The following HADHB variants were observed in gnomAD, a reference collection of about 807,000 sequenced individuals.
HADHB encodes the protein trifunctional enzyme subunit beta, mitochondrial.
HADHB carries 50 observed loss-of-function variants against 61.9 expected under a neutral mutation model. The ratio of observed to expected loss-of-function variants is 0.81; its 90% CI spans 0.64 to 1.02. The LOEUF (loss-of-function observed/expected upper bound fraction) is 1.02. HADHB is among the 50% of genes least tolerant of loss of function. The pLI is 0.00. For synonymous variants in HADHB, 191 were observed against 201.6 expected (o/e 0.95, Z 0.45); for missense variants, 504 against 586.5 (o/e 0.86, Z 1.45).
intron 15 of HADHB, among the ~76,000 whole-genome samples, chr2:26,287,232 G>C (rs534285139): frequency 6.6e-6 from 1 of 152,244 alleles, no homozygotes; most frequent in South Asian, 2.1e-4. Context: ...TAAATCTTAC[G>C]TTTAAAAGCC....
intron 15 of HADHB, among the ~76,000 whole-genome samples, chr2:26,289,306 T>A (rs1673171769): frequency 6.6e-6 from 1 of 152,076 alleles, no homozygotes; most frequent in South Asian, 2.1e-4. Context: ...CCCTTTGTGG[T>A]CCCTCAGATC....
intron 3 of HADHB, among the ~76,000 whole-genome samples, chr2:26,259,072 G>A (rs1671756802): frequency 6.6e-6 from 1 of 152,092 alleles, no homozygotes; most frequent in South Asian, 2.1e-4. Flanking sequence ...TGAAACCCTA[G>A]CTTGAAAATC....
intron 15 of HADHB, among the ~76,000 whole-genome samples, chr2:26,286,199 T>A (rs539479116): frequency 2.0e-5 from 3 of 152,206 alleles, no homozygotes; most frequent in Non-Finnish European, 4.4e-5. Flanking sequence ...AATCTCCCCA[T>A]CAGACATTAA....
intron 6 of HADHB, among the ~76,000 whole-genome samples, chr2:26,275,393 A>C (rs1259566886): frequency 6.6e-6 from 1 of 152,198 alleles, no homozygotes; most frequent in African/African-American, 2.4e-5. Flanking sequence ...TCCAGCTTAA[A>C]GACATCTTCC....
chr2:26,290,189 G>A lies in HADHB; in HGVS notation c.*236G>A, dbSNP rs1465589770. ...ACCAGAATCTCACATGAGATGTGTGGGTGGTTGTTTTTGGTCTCTGTTGTC... is the reference window on the plus strand; with the variant it reads ...ACCAGAATCTCACATGAGATGTGTGAGTGGTTGTTTTTGGTCTCTGTTGTC... On this transcript the variant is annotated 3_prime_UTR_variant, in exon 16 of 16. Coordinates refer to ENST00000317799, the MANE Select transcript of HADHB (RefSeq NM_000183.3). The A allele has an allele frequency of 1.2e-5, 7 of 562,300 alleles. No homozygotes were observed. The African/African-American group carries it at 1.3e-4, about 11-fold the overall frequency. The allele number at this position is 562,300 out of a possible 1,614,324, so 34.8% of individuals were successfully genotyped here.
chr2:26,257,836 A>G lies in HADHB; in HGVS notation c.109+3362A>G, dbSNP rs112836650. On this transcript the variant is annotated intron_variant, in intron 3 of 15. Transcript: ENST00000317799. ...AGATGGAGACCATCCTGGCAAACAC[A>G]GTGAAACCCTGTCTCTACTAAAAAT... Among the ~76,000 whole-genome samples, 955 of 151,884 alleles carry G rather than the reference A, an allele frequency of 6.3e-3. 8 individuals carry two copies. The highest frequency in any genetic ancestry group is 0.022 in the African/African-American group (893 of 41,438).
At chr2:26,288,330 C>T (rs1184654173) in intron 15 of HADHB, among the ~76,000 whole-genome samples, 1 of 151,874 alleles carries the variant, frequency 6.6e-6, no homozygotes, top group Non-Finnish European at 1.5e-5. Flanking sequence ...AGTAGTCTAC[C>T]TTATTATGAA....
At chr2:26,256,982 C>T (rs1034525163) in intron 3 of HADHB, among the ~76,000 whole-genome samples, 3 of 152,074 alleles carry the variant, frequency 2.0e-5, no homozygotes, top group African/African-American at 4.8e-5. Context: ...TCAGTCCTCT[C>T]GTAAATGTGC....
chr2:26,282,632 C>G (rs138522955), intron 10 of HADHB, among the ~76,000 whole-genome samples: 1 of 152,194 alleles, frequency 6.6e-6, no homozygotes, highest in African/African-American at 2.4e-5. Flanking sequence ...TACTTTTGAA[C>G]AGCCTTCTCT....
At chr2:26,258,628 GAGCAAA>G (rs1286425189) in intron 3 of HADHB, among the ~76,000 whole-genome samples, 1 of 152,196 alleles carries the variant, frequency 6.6e-6, no homozygotes, top group African/African-American at 2.4e-5. Context: ...GGTGGAAGGT[GAGCAAA>G]AGCTCAGCTC....
intron 15 of HADHB, 70 bp from the exon 16 acceptor site, chr2:26,289,848 C>A: frequency 1.9e-6 from 2 of 1,028,702 alleles, no homozygotes; most frequent in Non-Finnish European, 3.1e-6. Flanking sequence ...TCTCCTTGTT[C>A]TCTGCTGTCC....
At chr2:26,280,776 C>A (rs188810503) in intron 10 of HADHB, among the ~76,000 whole-genome samples, 41 of 146,964 alleles carry the variant, frequency 2.8e-4, no homozygotes, top group African/African-American at 1.0e-3. Context: ...TTGCTTGAAC[C>A]CTGGAGGCGT....
chr2:26,252,154 A>G (rs1309673651), intron 1 of HADHB, among the ~76,000 whole-genome samples: 1 of 152,218 alleles, frequency 6.6e-6, no homozygotes, highest in East Asian at 1.9e-4. Context: ...GTGAGCTGAG[A>G]GAGAGACCAC....
At chr2:26,278,932 G>GA (rs1019061238) in intron 8 of HADHB, 131 bp downstream of exon 8, 136 of 975,966 alleles carry the variant, frequency 1.4e-4, no homozygotes, top group Middle Eastern at 2.2e-4. Flanking sequence ...GCTCAAGATG[G>GA]AAAAAAAAGA....
chr2:26,270,634 CTCTG>C (rs1451471786), intron 5 of HADHB, among the ~76,000 whole-genome samples: 3 of 151,868 alleles, frequency 2.0e-5, no homozygotes, highest in Non-Finnish European at 4.4e-5. Context: ...TATTAGTTTC[CTCTG>C]TCTAATTGTA....
chr2:26,271,262 C>G (rs1036387514), intron 5 of HADHB, among the ~76,000 whole-genome samples: 59 of 151,116 alleles, frequency 3.9e-4, no homozygotes, highest in African/African-American at 1.4e-3. Flanking sequence ...AATCCCAGCA[C>G]TTTGGGAGGC....
chr2:26,269,313 G>C (rs1411304139), intron 4 of HADHB, among the ~76,000 whole-genome samples: 1 of 152,054 alleles, frequency 6.6e-6, no homozygotes, highest in Admixed American at 6.6e-5. Flanking sequence ...TCTCACCTCA[G>C]CCTCCCAAGT....
chr2:26,258,067 G>T (rs1671705362), intron 3 of HADHB, among the ~76,000 whole-genome samples: 1 of 152,020 alleles, frequency 6.6e-6, no homozygotes, highest in Non-Finnish European at 1.5e-5. Context: ...TAGGTCTAGT[G>T]TGCCTTCTTC....
At chr2:26,274,935 T>C (rs1672484137) in intron 6 of HADHB, among the ~76,000 whole-genome samples, 1 of 152,202 alleles carries the variant, frequency 6.6e-6, no homozygotes. Context: ...CAGTTCTTTT[T>C]TTCCTAAAAC....
Sources: allele counts gnomAD v4.1 joint callset (sites outside exome capture counted in the v4.1 genomes callset), GRCh38; gene constraint gnomAD v4.1.1; transcripts MANE v1.5; gene names NCBI Gene and HGNC (gene_info 2026-07-23, HGNC 2026-07-21).